TPD52: variants seen among roughly 807,000 people sequenced by gnomAD.
TPD52 encodes the protein prostate and colon associated protein.
In TPD52, 17 loss-of-function variants were observed where a neutral mutation model predicts 31.3. The ratio of observed to expected loss-of-function variants is 0.54; its 90% CI spans 0.37 to 0.82. TPD52 has a LOEUF of 0.82. TPD52 is among the 40% of genes least tolerant of loss of function. The pLI, the probability that TPD52 is intolerant of heterozygous loss-of-function variation, is 0.00. For synonymous variants in TPD52, 83 were observed against 89.6 expected, an observed-to-expected ratio of 0.93 and a Z score of 0.42; for missense variants, 212 against 240.1, an observed-to-expected ratio of 0.88 and a Z score of 0.77.
chr8:80,076,947 A>G (rs192964938), intron 1 of TPD52, among the ~76,000 whole-genome samples: 51 of 151,202 alleles, frequency 3.4e-4, no homozygotes, highest in Admixed American at 7.2e-4. Flanking sequence ...GATTACAGGC[A>G]TGATCCACTG....
Position 80,171,549 on chromosome 8 carries a change from C to A in TPD52, c.-106G>T. The A allele has an allele frequency of 7.3e-7, 1 of 1,361,298 alleles. No individual in the cohort carries two copies. The allele number at this position is 1,361,298 out of a possible 1,614,324, so 84.3% of individuals were successfully genotyped here. A position where few individuals can be genotyped will look rare whatever the true frequency, so the allele number is the denominator to read the frequency against. On this transcript the variant is annotated 5_prime_UTR_variant, in exon 1 of 8. Coordinates refer to ENST00000518937, the MANE Select transcript of TPD52 (RefSeq NM_001025253.3). ...CAGAGCTCCTCCTCGCCTCCGCCGGCGACTCCCGCGAAGTCCCCACCCCCA... is the reference window on the plus strand; with the variant it reads ...CAGAGCTCCTCCTCGCCTCCGCCGGAGACTCCCGCGAAGTCCCCACCCCCA...
chr8:80,079,438 C>G (rs1046036856), intron 1 of TPD52, among the ~76,000 whole-genome samples: 1 of 152,180 alleles, frequency 6.6e-6, no homozygotes, highest in African/African-American at 2.4e-5. Flanking sequence ...TCCCTACTGT[C>G]GGCAAATACA....
chr8:80,171,418 C>T lies in TPD52; in HGVS notation c.19+7G>A. 6.3e-7 allele frequency: 1 copy of T among 1,596,490 alleles called. No individual in the cohort carries two copies. Among genetic ancestry groups the T allele is most frequent in the East Asian group, 2.2e-5 (1 of 44,564 alleles). On this transcript the variant is annotated splice_region_variant and intron_variant, in intron 1 of 7. Transcript: ENST00000518937. ...CGAGCCCAAGCCCGCTGGGTCCGCGCCCTCACCTTGCTCGCCGCGGTCCAT... is the reference window on the plus strand; with the variant it reads ...CGAGCCCAAGCCCGCTGGGTCCGCGTCCTCACCTTGCTCGCCGCGGTCCAT...
intron 2 of TPD52, among the ~76,000 whole-genome samples, chr8:80,062,723 G>T (rs1812684475): frequency 6.6e-6 from 1 of 152,142 alleles, no homozygotes; most frequent in South Asian, 2.1e-4. Flanking sequence ...AGCACTTTGG[G>T]AGGCTGAGGT....
intron 1 of TPD52, among the ~76,000 whole-genome samples, chr8:80,111,275 T>C (rs1464194507): frequency 2.0e-5 from 3 of 152,338 alleles, no homozygotes; most frequent in Non-Finnish European, 2.9e-5. Flanking sequence ...CTTTAACCAC[T>C]GGTCAGTCAG....
intron 1 of TPD52, among the ~76,000 whole-genome samples, chr8:80,088,116 C>T (rs1035439856): frequency 2.0e-5 from 3 of 152,276 alleles, no homozygotes; most frequent in South Asian, 2.1e-4. Context: ...AAGCCTGGTA[C>T]GTGCCTCCAA....
chr8:80,131,201 CAA>C (rs370981212), intron 1 of TPD52, among the ~76,000 whole-genome samples: 1 of 152,112 alleles, frequency 6.6e-6, no homozygotes, highest in Non-Finnish European at 1.5e-5. Context: ...AAAAAATCAG[CAA>C]AGACAACTCT....
chr8:80,099,567 G>A (rs1806583595), intron 1 of TPD52, among the ~76,000 whole-genome samples: 1 of 149,852 alleles, frequency 6.7e-6, no homozygotes, highest in Non-Finnish European at 1.5e-5. Context: ...CTGAAGTGCA[G>A]TGGTGTGATC....
chr8:80,060,211 C>T lies in TPD52; in HGVS notation c.135+4267G>A, dbSNP rs140451154. On this transcript the variant is annotated intron_variant, in intron 2 of 7. Coordinates refer to ENST00000518937, the MANE Select transcript of TPD52 (RefSeq NM_001025253.3). ...AAATGAAAGTGGGGACATTAACTAA[C>T]CTTATAGAAACAGAAAGGATTATAA... 2.3e-3 allele frequency among the ~76,000 whole-genome samples: 331 copies of T among 141,124 alleles called. 5 individuals are homozygous for T. Among genetic ancestry groups the T allele is most frequent in the African/African-American group, 8.1e-3 (309 of 38,176 alleles). The allele number at this position is 141,124 out of a possible 152,430, so 92.6% of individuals were successfully genotyped here.
intron 1 of TPD52, among the ~76,000 whole-genome samples, chr8:80,146,389 A>C (rs1366783692): frequency 6.6e-6 from 1 of 152,236 alleles, no homozygotes; most frequent in African/African-American, 2.4e-5. Context: ...ACTGGCTAGC[A>C]GCCCAAAGCC....
In TPD52 at chr8:80,158,077, C is replaced by T. The variant is rs1233872338; in HGVS notation, c.19+13348G>A. Among the ~76,000 whole-genome samples, 4 of 152,226 alleles carry T rather than the reference C, an allele frequency of 2.6e-5. No individual in the cohort carries two copies. The East Asian group carries it at 7.7e-4, about 29-fold the overall frequency. ...AAATTTAATATCTATAGTCTATTTG[C>T]TTGGGAATATTTGCTTGGGAATAGC... On this transcript the variant is annotated intron_variant, in intron 1 of 7. Coordinates refer to ENST00000518937, the MANE Select transcript of TPD52 (RefSeq NM_001025253.3).
intron 1 of TPD52, among the ~76,000 whole-genome samples, chr8:80,108,750 G>A (rs1006450796): frequency 1.3e-5 from 2 of 152,150 alleles, no homozygotes; most frequent in African/African-American, 4.8e-5. Context: ...CTGAATAACT[G>A]ATGAAAATAA....
intron 1 of TPD52, among the ~76,000 whole-genome samples, chr8:80,156,663 G>A (rs1810993352): frequency 6.6e-6 from 1 of 152,128 alleles, no homozygotes; most frequent in South Asian, 2.1e-4. Flanking sequence ...AAAAGAATAG[G>A]AGAAACAAGG....
At chr8:80,141,639 C>A (rs1440436680) in intron 1 of TPD52, among the ~76,000 whole-genome samples, 1 of 152,116 alleles carries the variant, frequency 6.6e-6, no homozygotes, top group African/African-American at 2.4e-5. Context: ...TGGCTGGGCG[C>A]GGGGGCTCAC....
intron 1 of TPD52, among the ~76,000 whole-genome samples, chr8:80,065,425 T>C (rs1813033462): frequency 6.6e-6 from 1 of 151,816 alleles, no homozygotes; most frequent in South Asian, 2.1e-4. Context: ...ACCGCACCCA[T>C]TCCCCTTGGA....
At chr8:80,044,888 T>C (rs771998248) in intron 5 of TPD52, among the ~76,000 whole-genome samples, 7 of 152,250 alleles carry the variant, frequency 4.6e-5, no homozygotes, top group Non-Finnish European at 1.0e-4. Context: ...AGGTATTAAT[T>C]CTCAGTTATA....
rs1233947738 is a variant in TPD52, at chr8:80,105,152, G to T, written c.20-40559C>A. Among the ~76,000 whole-genome samples, 11 of 152,152 alleles carry T rather than the reference G, an allele frequency of 7.2e-5. No individual in the cohort carries two copies. In the East Asian group the frequency reaches 2.1e-3, roughly 29 times the overall value. Reference sequence around the variant, plus strand: ...AGGGTCTCCCTCTGTCACCTAGACTGGAGTGCAGAGGCATGAACACAGCTC... The same window carrying T: ...AGGGTCTCCCTCTGTCACCTAGACTTGAGTGCAGAGGCATGAACACAGCTC... On this transcript the variant is annotated intron_variant, in intron 1 of 7. Transcript: ENST00000518937.
At chr8:80,096,976 C>T (rs1163506445) in intron 1 of TPD52, among the ~76,000 whole-genome samples, 1 of 152,168 alleles carries the variant, frequency 6.6e-6, no homozygotes, top group Non-Finnish European at 1.5e-5. Context: ...GGCCAAAAAC[C>T]AGACCGCCTG....
chr8:80,167,654 T>C (rs1039873577), intron 1 of TPD52, among the ~76,000 whole-genome samples: 2 of 152,242 alleles, frequency 1.3e-5, no homozygotes, highest in Non-Finnish European at 2.9e-5. Context: ...TTGCTTTATT[T>C]TTAAATAAAT....
Sources: gnomAD v4.1 joint callset for allele counts (sites outside exome capture counted in the v4.1 genomes callset) on GRCh38, gnomAD v4.1.1 for gene constraint, MANE v1.5 for transcripts, NCBI Gene and HGNC (gene_info 2026-07-23, HGNC 2026-07-21) for gene names.